The following ATM variants were observed in gnomAD, a reference collection of about 807,000 sequenced individuals.
The protein encoded by ATM is ATM serine/threonine kinase.
ATM carries 308 observed loss-of-function variants against 387.0 expected under a neutral mutation model. The observed-to-expected ratio is 0.80, with a 90% CI of 0.73 to 0.87. The LOEUF is 0.87. ATM is among the 40% of genes least tolerant of loss of function. ATM has a pLI of 0.00. For synonymous variants in ATM, 1,156 were observed against 1,187.3 expected (o/e 0.97, Z 0.54); for missense variants, 3,312 against 3,560.9 (o/e 0.93, Z 1.78).
intron 39 of ATM, among the ~76,000 whole-genome samples, chr11:108,311,638 C>T (rs2084170243): frequency 6.6e-6 from 1 of 151,414 alleles, no homozygotes; most frequent in Non-Finnish European, 1.5e-5. Context: ...GGAGAGGCTG[C>T]AGTGAGCCAT....
At chr11:108,290,848 ACTT>A (rs144516771) in intron 29 of ATM, among the ~76,000 whole-genome samples, 8,468 of 150,694 alleles carry the variant, frequency 0.056, 769 homozygotes, top group African/African-American at 0.19. Flanking sequence ...AAAAAGCACT[ACTT>A]CTCCAATTCT....
chr11:108,320,105 G>A (rs1241455627), intron 44 of ATM, 47 bp downstream of exon 44: 3 of 1,393,056 alleles, frequency 2.2e-6, no homozygotes, highest in Non-Finnish European at 2.0e-6. Flanking sequence ...TTAATGTCAT[G>A]GCTTCTTTTC....
chr11:108,365,019 T>C (rs1019570746), intron 61 of ATM, 63 bp from the exon 62 acceptor site: 1 of 1,574,812 alleles, frequency 6.3e-7, no homozygotes, highest in Non-Finnish European at 8.7e-7. Context: ...CTGGTTCTAC[T>C]GTTTCTAAGT....
chr11:108,297,293 C>G lies in ATM; in HGVS notation c.4916C>G (p.Pro1639Arg), dbSNP rs752459491. ...TTTAAAAAATTATTTCTAGATAATC[C>G]GCAAGATGGGATTATGGTGAAACTA... Reference protein sequence around the residue: ...VDIMRASQDNPQDGIMVKLVV... With the variant: ...VDIMRASQDNRQDGIMVKLVV... The change falls in exon 33 of 63, where the codon CCG (proline) becomes CGG (arginine). Residue 1639 changes from proline (P) to arginine (R), a missense_variant. Pro to Arg is a moderately radical substitution (Grantham distance 103). Around this residue, in one of 4 missense-constraint regions of ATM, gnomAD observed 1,405 missense variants for 1,604.4 expected, o/e 0.88. Transcript: ENST00000675843. 1 of 1,613,424 alleles carries G rather than the reference C, an allele frequency of 6.2e-7. No homozygotes were observed. Among genetic ancestry groups the G allele is most frequent in the South Asian group, 1.1e-5 (1 of 91,046 alleles).
intron 33 of ATM, among the ~76,000 whole-genome samples, chr11:108,297,940 G>T (rs531327090): frequency 1.3e-5 from 2 of 152,104 alleles, no homozygotes; most frequent in South Asian, 4.1e-4. Context: ...CTTGTTTTTA[G>T]AGTTAAGTTG....
In ATM at chr11:108,268,522, C is replaced by G. The variant is rs876659611; in HGVS notation, c.2751C>G (p.Ser917=). The G allele has an allele frequency of 9.3e-6, 15 of 1,613,920 alleles. No individual in the cohort carries two copies. In the South Asian group the frequency reaches 1.4e-4, roughly 15 times the overall value. The change falls in exon 18 of 63, where the codon TCC becomes TCG. Residue 917 remains serine, a synonymous_variant. Coordinates refer to ENST00000675843, the MANE Select transcript of ATM (RefSeq NM_000051.4). The stretch of plus-strand genomic sequence containing the variant: ...CTACTGCTCAGACCAATACTGTGTC[C>G]TTTAGGGCAGCTGATATTCGGAGGA... ...CVTTAQTNTV[S]FRAADIRRKL...
In ATM at chr11:108,264,195, C is replaced by A. The variant is rs558607961; in HGVS notation, c.2467-2976C>A. Among the ~76,000 whole-genome samples, 55 of 152,088 alleles carry A rather than the reference C, an allele frequency of 3.6e-4. No homozygotes were observed. The South Asian group carries it at 3.9e-3, about 11-fold the overall frequency. On this transcript the variant is annotated intron_variant, in intron 16 of 62. Transcript: ENST00000675843. ...CACAACCAAAAAAGAGAATGTTAGACCAATATCCTTGATGAACATTGATGC... is the reference window on the plus strand; with the variant it reads ...CACAACCAAAAAAGAGAATGTTAGAACAATATCCTTGATGAACATTGATGC...
At chr11:108,291,445 ACTGT>A (rs1338355321) in intron 29 of ATM, among the ~76,000 whole-genome samples, 1 of 152,170 alleles carries the variant, frequency 6.6e-6, no homozygotes, top group Non-Finnish European at 1.5e-5. Flanking sequence ...AACCATCACC[ACTGT>A]CTATGTCCAA....
chr11:108,247,360 A>T (rs1282297949), intron 8 of ATM, among the ~76,000 whole-genome samples: 1 of 152,096 alleles, frequency 6.6e-6, no homozygotes, highest in Non-Finnish European at 1.5e-5. Flanking sequence ...TTCTTAAATG[A>T]TTGTCTCTAG....
chr11:108,366,211 G>A lies in ATM; in HGVS notation c.*703G>A, dbSNP rs118179262. ...TTCTCTTTATCTTTTAAGCCCTTCT[G>A]TACTGTCCATGTATGTTATCTTTCT... On this transcript the variant is annotated 3_prime_UTR_variant, in exon 63 of 63. Coordinates refer to ENST00000675843, the MANE Select transcript of ATM (RefSeq NM_000051.4). The A allele has an allele frequency of 1.4e-4, 27 of 195,040 alleles. No homozygotes were observed. The highest frequency in any genetic ancestry group is 2.7e-4 in the Non-Finnish European group (25 of 93,830). The allele number at this position is 195,040 out of a possible 1,614,324, so 12.1% of individuals were successfully genotyped here. A position where few individuals can be genotyped will look rare whatever the true frequency, so the allele number is the denominator to read the frequency against.
At chr11:108,349,748 C>A (rs2088954149) in intron 59 of ATM, among the ~76,000 whole-genome samples, 1 of 152,142 alleles carries the variant, frequency 6.6e-6, no homozygotes, top group Non-Finnish European at 1.5e-5. Context: ...ATGAGAGACA[C>A]ATTTGGTCCT....
chr11:108,267,365 G>C (rs1348718618), intron 17 of ATM, 23 bp downstream of exon 17: 1 of 1,611,176 alleles, frequency 6.2e-7, no homozygotes, highest in Non-Finnish European at 8.5e-7. Context: ...TTACTACTTG[G>C]GATTTCTTTT....
At chr11:108,333,403 T>C (rs2086492284) in intron 53 of ATM, among the ~76,000 whole-genome samples, 1 of 152,346 alleles carries the variant, frequency 6.6e-6, no homozygotes, top group Middle Eastern at 3.4e-3. Context: ...CTAAGTATGC[T>C]TCTAAGTATC....
In ATM at chr11:108,332,870, T is replaced by G. The variant is rs587779868; in HGVS notation, c.7897T>G (p.Leu2633Val). Residue 2633 changes from leucine (L) to valine (V), a missense_variant, in exon 53 of 63, where the codon TTA becomes GTA. Transcript: ENST00000675843. ...LCDAYIILAN[L>V]DATQWKTQRK... ...TGATGCTTATATTATATTAGCAAAC[T>G]TAGATGCCACTCAGTGGAAGACTCA... is the stretch of plus-strand genomic sequence containing the variant. 6.2e-7 allele frequency: 1 copy of G among 1,613,054 alleles called. No individual in the cohort carries two copies. Among genetic ancestry groups the G allele is most frequent in the Non-Finnish European group, 8.5e-7 (1 of 1,179,730 alleles).
At chr11:108,247,887 C>T (rs1004699007) in intron 8 of ATM, among the ~76,000 whole-genome samples, 1 of 152,132 alleles carries the variant, frequency 6.6e-6, no homozygotes, top group Non-Finnish European at 1.5e-5. Flanking sequence ...AGCCACCGTG[C>T]CCAGCCCAGA....
Position 108,284,552 on chromosome 11 carries a change from C to T in ATM, c.3993+79C>T, listed in dbSNP as rs541218835. 214 of 1,546,720 alleles carry T rather than the reference C, an allele frequency of 1.4e-4. 1 individual carries two copies. The highest frequency in any genetic ancestry group is 5.1e-4 in the South Asian group (45 of 88,646). On this transcript the variant is annotated intron_variant, in intron 26 of 62. Transcript: ENST00000675843. Reference sequence around the variant, plus strand: ...CCTTTAAGTTTTAAGGCTATTTATTCGATTTATTCGTATTTATATATTGAA... The same window carrying T: ...CCTTTAAGTTTTAAGGCTATTTATTTGATTTATTCGTATTTATATATTGAA...
chr11:108,343,076 C>T (rs2087785595), intron 56 of ATM, 146 bp from the exon 57 acceptor site: 1 of 1,026,132 alleles, frequency 9.7e-7, no homozygotes, highest in Non-Finnish European at 1.5e-6. Flanking sequence ...GATTGGTTTC[C>T]TCCAAGGAGC....
At chr11:108,313,646 G>A (rs1345938617) in intron 40 of ATM, among the ~76,000 whole-genome samples, 4 of 152,082 alleles carry the variant, frequency 2.6e-5, no homozygotes, top group Non-Finnish European at 5.9e-5. Flanking sequence ...TCTCTACTGA[G>A]TTTTTGGAAT....
intron 16 of ATM, 38 bp from the exon 17 acceptor site, chr11:108,267,131 AAG>A (rs1236750641): frequency 6.2e-7 from 1 of 1,605,990 alleles, no homozygotes; most frequent in Non-Finnish European, 8.5e-7. Context: ...ATGCTCCTGC[AAG>A]AAGCCATCTT....
Sources: allele counts gnomAD v4.1 joint callset (sites outside exome capture counted in the v4.1 genomes callset), GRCh38; gene constraint gnomAD v4.1.1; regional missense constraint gnomAD v4.1.1; transcripts MANE v1.5; gene names NCBI Gene and HGNC (gene_info 2026-07-23, HGNC 2026-07-21).